The following LTBP1 variants were observed in gnomAD, a reference collection of about 807,000 sequenced individuals.
LTBP1 encodes latent-transforming growth factor beta-binding protein 1.
LTBP1 carries 129 observed loss-of-function variants against 207.6 expected under a neutral mutation model. That is an observed-to-expected ratio of 0.62 (90% CI 0.54 to 0.72). LTBP1 has a LOEUF of 0.72. LTBP1 is among the 30% of genes least tolerant of loss of function. The probability of loss-of-function intolerance (pLI) is 0.00; values close to 1 mark genes in which losing one functional copy is unlikely to be tolerated. For missense variants in LTBP1, 2,281 were observed against 2,217.2 expected, an observed-to-expected ratio of 1.03 and a Z score of -0.58; for synonymous variants, 963 against 833.7, an observed-to-expected ratio of 1.16 and a Z score of -2.67.
At chr2:33,058,482 G>C (rs2077114385) in intron 3 of LTBP1, among the ~76,000 whole-genome samples, 1 of 152,182 alleles carries the variant, frequency 6.6e-6, no homozygotes, top group African/African-American at 2.4e-5. Flanking sequence ...CTGAATCAAA[G>C]AGTTGGGTCT....
chr2:33,012,001 A>C (rs1687733724), intron 2 of LTBP1, among the ~76,000 whole-genome samples: 1 of 151,900 alleles, frequency 6.6e-6, no homozygotes, highest in South Asian at 2.1e-4. Flanking sequence ...CCTGACCCCC[A>C]CTGTGATCAC....
chr2:33,348,542 C>CA (rs142608978), intron 26 of LTBP1, among the ~76,000 whole-genome samples: 1,868 of 152,124 alleles, frequency 0.012, 42 homozygotes, highest in African/African-American at 0.041. Context: ...TCTACAATAG[C>CA]AAAAAACAAA....
chr2:33,147,915 C>A (rs1313028015), intron 5 of LTBP1, among the ~76,000 whole-genome samples: 1 of 152,314 alleles, frequency 6.6e-6, no homozygotes, highest in East Asian at 1.9e-4. Flanking sequence ...TTTTTTGCTC[C>A]AGTGGAACAG....
chr2:33,018,998 T>C lies in LTBP1; in HGVS notation c.566-1911T>C, dbSNP rs557863531. 3.9e-5 allele frequency among the ~76,000 whole-genome samples: 6 copies of C among 152,284 alleles called. No homozygotes were observed. The South Asian group carries it at 8.3e-4, about 21-fold the overall frequency. ...GAATAGGCATCATATTGTAGGAAGA[T>C]GGGAAAATTATTTTGTCTCTTTTAT... On this transcript the variant is annotated intron_variant, in intron 2 of 33. Coordinates refer to ENST00000404816, the MANE Select transcript of LTBP1 (RefSeq NM_206943.4).
chr2:33,008,953 G>C (rs1239438081), intron 2 of LTBP1, among the ~76,000 whole-genome samples: 1 of 152,248 alleles, frequency 6.6e-6, no homozygotes, highest in African/African-American at 2.4e-5. Flanking sequence ...AAGCAAGCCA[G>C]GGTGACCGGA....
At chr2:33,179,893 C>A (rs2086445321) in intron 5 of LTBP1, among the ~76,000 whole-genome samples, 1 of 152,138 alleles carries the variant, frequency 6.6e-6, no homozygotes, top group African/African-American at 2.4e-5. Context: ...TGCCTTATAT[C>A]CTTATGGAAA....
intron 7 of LTBP1, among the ~76,000 whole-genome samples, chr2:33,208,070 A>G (rs893854414): frequency 3.3e-5 from 5 of 152,186 alleles, no homozygotes; most frequent in Admixed American, 6.5e-5. Context: ...CAAGATTTCA[A>G]AAAAAATAGG....
intron 7 of LTBP1, among the ~76,000 whole-genome samples, chr2:33,198,351 A>C (rs1197032805): frequency 1.3e-5 from 2 of 152,196 alleles, no homozygotes; most frequent in African/African-American, 4.8e-5. Flanking sequence ...ATATTGGTCT[A>C]AAATTCTCTT....
intron 3 of LTBP1, among the ~76,000 whole-genome samples, chr2:33,037,796 C>T (rs1283146334): frequency 6.6e-6 from 1 of 152,232 alleles, no homozygotes; most frequent in African/African-American, 2.4e-5. Context: ...TGGCTCACTG[C>T]AGCCTTGACC....
intron 3 of LTBP1, among the ~76,000 whole-genome samples, chr2:33,079,031 G>A (rs751218364): frequency 1.3e-5 from 2 of 151,710 alleles, no homozygotes; most frequent in Non-Finnish European, 2.9e-5. Flanking sequence ...GCTAATTTTT[G>A]TATTGTTAGT....
chr2:33,373,365 A>C (rs2095094247), intron 31 of LTBP1, among the ~76,000 whole-genome samples: 1 of 152,230 alleles, frequency 6.6e-6, no homozygotes, highest in Admixed American at 6.5e-5. Context: ...ACAGACTTAC[A>C]CATCTGAATC....
chr2:33,089,762 T>C (rs2078974766), intron 3 of LTBP1, among the ~76,000 whole-genome samples: 1 of 152,256 alleles, frequency 6.6e-6, no homozygotes, highest in African/African-American at 2.4e-5. Context: ...CTTTTGTTTT[T>C]AAAAACTGAT....
chr2:33,334,532 A>G lies in LTBP1; in HGVS notation c.3731-8306A>G, dbSNP rs539994167. Among the ~76,000 whole-genome samples the G allele has an allele frequency of 2.0e-5, 3 of 152,322 alleles. No individual in the cohort carries two copies. In the South Asian group the frequency reaches 6.2e-4, roughly 32 times the overall value. The stretch of plus-strand genomic sequence containing the variant: ...CTGGAGAGGAAAGGAGAGACTGGAG[A>G]TACAACCAAAAGATAAAATCAGAAG... On this transcript the variant is annotated intron_variant, in intron 24 of 33. Transcript: ENST00000404816.
intron 2 of LTBP1, among the ~76,000 whole-genome samples, chr2:32,968,420 G>A (rs1680320596): frequency 6.6e-6 from 1 of 152,182 alleles, no homozygotes; most frequent in Non-Finnish European, 1.5e-5. Context: ...CCAGCTCTCT[G>A]TGAAACTAAC....
intron 2 of LTBP1, among the ~76,000 whole-genome samples, chr2:33,002,018 G>A (rs896138954): frequency 3.0e-5 from 4 of 134,468 alleles, no homozygotes; most frequent in Non-Finnish European, 4.9e-5. Flanking sequence ...ACATGCTCAT[G>A]GTCACTGCTG....
At chr2:33,140,623 A>C (rs1223342939) in intron 5 of LTBP1, among the ~76,000 whole-genome samples, 2 of 151,918 alleles carry the variant, frequency 1.3e-5, no homozygotes. Context: ...TAAATGTCAT[A>C]ATGTAGAGCA....
chr2:32,959,609 ATATATATATATATT>A (rs1305349233), intron 2 of LTBP1, among the ~76,000 whole-genome samples: 3 of 19,760 alleles, frequency 1.5e-4, no homozygotes, highest in Non-Finnish European at 3.6e-4. Flanking sequence ...ATATATATAT[ATATATATATATATT>A]TTTTTTTTTT....
intron 11 of LTBP1, among the ~76,000 whole-genome samples, chr2:33,254,015 A>G (rs1558891285): frequency 6.8e-6 from 1 of 147,766 alleles, no homozygotes; most frequent in Non-Finnish European, 1.5e-5. Context: ...TCAGCCTCCC[A>G]AGTAGCTGGG....
chr2:33,261,854 G>A (rs1202536099), intron 13 of LTBP1, among the ~76,000 whole-genome samples: 1 of 152,234 alleles, frequency 6.6e-6, no homozygotes, highest in African/African-American at 2.4e-5. Context: ...CTTGAAGCCA[G>A]GAGAAGAGGA....
Sources: gnomAD v4.1 joint callset for allele counts (sites outside exome capture counted in the v4.1 genomes callset) on GRCh38, gnomAD v4.1.1 for gene constraint, MANE v1.5 for transcripts, NCBI Gene and HGNC (gene_info 2026-07-23, HGNC 2026-07-21) for gene names.